The following SYNGR1 variants were observed in gnomAD, a reference collection of about 807,000 sequenced individuals.
SYNGR1 encodes synaptogyrin 1, also known as synaptogyrin-1.
SYNGR1 carries 14 observed loss-of-function variants against 26.1 expected under a neutral mutation model. The observed-to-expected ratio is 0.54, with a 90% CI of 0.35 to 0.84. SYNGR1 has a LOEUF of 0.84. Among genes scored for constraint, SYNGR1 ranks in the 40% least tolerant of loss-of-function variants. The probability of loss-of-function intolerance (pLI) is 0.01; values close to 1 mark genes in which losing one functional copy is unlikely to be tolerated. For synonymous variants in SYNGR1, 141 were observed against 150.1 expected, an observed-to-expected ratio of 0.94 and a Z score of 0.44; for missense variants, 319 against 332.9, an observed-to-expected ratio of 0.96 and a Z score of 0.33.
At chr22:39,362,765 G>T (rs368986133) in intron 1 of SYNGR1, among the ~76,000 whole-genome samples, 9 of 152,060 alleles carry the variant, frequency 5.9e-5, no homozygotes, top group Non-Finnish European at 1.2e-4. Flanking sequence ...GTGCACAGGG[G>T]TGTGCAAGCG....
intron 2 of SYNGR1, 120 bp from the exon 3 acceptor site, chr22:39,375,932 G>A: frequency 2.2e-6 from 3 of 1,343,484 alleles, no homozygotes; most frequent in Non-Finnish European, 3.2e-6. Flanking sequence ...TGGGGGTGGG[G>A]GAGCATGGGA....
chr22:39,350,035 G>A lies in SYNGR1; in HGVS notation c.25G>A (p.Gly9Ser). The change falls in exon 1 of 4, where the codon GGC becomes AGC. Residue 9 changes from glycine to serine, a missense_variant. Physicochemically the swap from Gly to Ser is moderately conservative, Grantham distance 56. Transcript: ENST00000328933. This position sits in a 1 kb window ranked among gnomAD's most constrained non-coding sequence, Gnocchi z 4.3. Reference sequence around the variant, plus strand: ...GATGGAAGGGGGTGCGTACGGAGCGGGCAAAGCCGGGGGCGCCTTCGACCC... The same window carrying A: ...GATGGAAGGGGGTGCGTACGGAGCGAGCAAAGCCGGGGGCGCCTTCGACCC... MEGGAYGAGKAGGAFDPYT... is the reference protein window; with the variant it reads MEGGAYGASKAGGAFDPYT... 1 of 1,403,866 alleles carries A rather than the reference G, an allele frequency of 7.1e-7. No individual in the cohort carries two copies. Among genetic ancestry groups the A allele is most frequent in the Non-Finnish European group, 9.4e-7 (1 of 1,060,792 alleles). The allele number at this position is 1,403,866 out of a possible 1,614,324, so 87.0% of individuals were successfully genotyped here. A position where few individuals can be genotyped will look rare whatever the true frequency, so the allele number is the denominator to read the frequency against.
In SYNGR1 at chr22:39,381,759, C is replaced by T; in HGVS notation, c.547C>T (p.Gln183Ter). 1 of 1,613,526 alleles carries T rather than the reference C, an allele frequency of 6.2e-7. No individual in the cohort carries two copies. Among genetic ancestry groups the T allele is most frequent in the Non-Finnish European group, 8.5e-7 (1 of 1,180,008 alleles). Reference sequence around the variant, plus strand: ...TGGCGCCGACTCGGCCCTCTTCTCCCAGGACTACATGGACCCCAGCCAGGA... The same window carrying T: ...TGGCGCCGACTCGGCCCTCTTCTCCTAGGACTACATGGACCCCAGCCAGGA... ...QIGADSALFS[Q>*]DYMDPSQDSS... is the part of the protein sequence containing the mutation. Residue 183 changes from glutamine to a stop codon, truncating the protein, a stop_gained, in exon 4 of 4, where the codon CAG (glutamine) becomes TAG (stop). Transcript: ENST00000328933. LOFTEE classifies it high-confidence loss of function.
intron 1 of SYNGR1, among the ~76,000 whole-genome samples, chr22:39,355,506 C>A (rs1170938009): frequency 2.0e-5 from 3 of 152,202 alleles, no homozygotes; most frequent in African/African-American, 7.2e-5. Context: ...GCAAGGAGAC[C>A]GCTGGGAGGT....
chr22:39,385,136 C>A lies in SYNGR1; in HGVS notation c.*3222C>A, dbSNP rs1175440931. On this transcript the variant is annotated 3_prime_UTR_variant, in exon 4 of 4. Coordinates refer to ENST00000328933, the MANE Select transcript of SYNGR1 (RefSeq NM_004711.5). ...GAGACCCCTAACCTTGGCCCAAGAC[C>A]CCTTTGATTCTCTAAGGAGCACGAA... is the stretch of plus-strand genomic sequence containing the variant. The A allele has an allele frequency of 9.1e-5, 36 of 397,310 alleles. No homozygotes were observed. The East Asian group carries it at 1.3e-3, about 14-fold the overall frequency. 24.6% of individuals were successfully genotyped at this position (397,310 alleles called of 1,614,324 possible).
chr22:39,364,427 A>G (rs1380784932), intron 1 of SYNGR1: 4 of 1,469,960 alleles, frequency 2.7e-6, no homozygotes, highest in Non-Finnish European at 2.8e-6. Flanking sequence ...GGGGATTAAA[A>G]TAGATGATTT....
At position 39,381,630 on chromosome 22, in the gene SYNGR1, CTT is replaced by C. The variant is rs1925500029; in HGVS notation, c.484-65_484-64del. The C allele has an allele frequency of 1.9e-6, 3 of 1,558,094 alleles. No homozygotes were observed. The South Asian group carries it at 3.4e-5, about 17-fold the overall frequency. On this transcript the variant is annotated intron_variant, in intron 3 of 3. Transcript: ENST00000328933. ...AACTAACCACCACTAACCCAGTGCTCTTGTCTGTCTCTCCCCTAACCACCCCC... is the reference window on the plus strand; with the variant it reads ...AACTAACCACCACTAACCCAGTGCTCGTCTGTCTCTCCCCTAACCACCCCC...
chr22:39,377,098 G>C, intron 3 of SYNGR1: 3 of 1,544,956 alleles, frequency 1.9e-6, no homozygotes, highest in Middle Eastern at 3.4e-4. Flanking sequence ...GGACCGGCGA[G>C]CACTTCTGGG....
At chr22:39,357,331 C>A (rs944359532) in intron 1 of SYNGR1, among the ~76,000 whole-genome samples, 2 of 152,042 alleles carry the variant, frequency 1.3e-5, no homozygotes, top group Admixed American at 1.3e-4. Flanking sequence ...GCAGAGGGGG[C>A]ACTGGGCCCC....
intron 1 of SYNGR1, among the ~76,000 whole-genome samples, chr22:39,357,573 G>A (rs868689772): frequency 1.8e-4 from 27 of 151,898 alleles, no homozygotes; most frequent in African/African-American, 6.0e-4. Flanking sequence ...TGCGTGCGGC[G>A]CTTGCGGGCC....
At position 39,384,806 on chromosome 22, in the gene SYNGR1, C is replaced by A; in HGVS notation, c.*2892C>A. 1 of 398,832 alleles carries A rather than the reference C, an allele frequency of 2.5e-6. No individual in the cohort carries two copies. The highest frequency in any genetic ancestry group is 4.4e-6 in the Non-Finnish European group (1 of 226,044). The allele number at this position is 398,832 out of a possible 1,614,324, so 24.7% of individuals were successfully genotyped here. On this transcript the variant is annotated 3_prime_UTR_variant, in exon 4 of 4. Coordinates refer to ENST00000328933, the MANE Select transcript of SYNGR1 (RefSeq NM_004711.5). The stretch of plus-strand genomic sequence containing the variant: ...AAAAGGTTTCACATAAGTGTAGAGT[C>A]GCAAGGACGCTTAGAGTCGGCAGAG...
At chr22:39,373,895 C>T (rs552341326) in intron 1 of SYNGR1, among the ~76,000 whole-genome samples, 54 of 152,300 alleles carry the variant, frequency 3.5e-4, no homozygotes, top group South Asian at 4.1e-4. Context: ...AGATGGGGCC[C>T]GGCACATGCC....
intron 2 of SYNGR1, chr22:39,375,337 G>T (rs1925230472): frequency 6.5e-6 from 1 of 154,760 alleles, no homozygotes; most frequent in Non-Finnish European, 1.4e-5. Flanking sequence ...AGGTGGGCTG[G>T]GCCCCAGGTG....
rs1481709707 is a variant in SYNGR1 at position 39,382,250 on chromosome 22, C to T, written c.*336C>T. The T allele has an allele frequency of 6.8e-6, 3 of 441,636 alleles. No homozygotes were observed. The highest frequency in any genetic ancestry group is 2.4e-5 in the South Asian group (1 of 41,698). 27.4% of individuals were successfully genotyped at this position (441,636 alleles called of 1,614,324 possible). A position where few individuals can be genotyped will look rare whatever the true frequency, so the allele number is the denominator to read the frequency against. On this transcript the variant is annotated 3_prime_UTR_variant, in exon 4 of 4. Transcript: ENST00000328933. ...GTGGTGACATTGGCAGAAATGGCCA[C>T]TGGAAAGGGGAGCGATGAGCTGTGG...
At chr22:39,376,911 A>G (rs1254375438) in intron 3 of SYNGR1, 12 of 1,523,116 alleles carry the variant, frequency 7.9e-6, no homozygotes, top group Admixed American at 4.5e-5. Flanking sequence ...CAAACAAAGT[A>G]TGTCTCTGGG....
At chr22:39,364,747 G>A (rs1251484358) in intron 1 of SYNGR1, among the ~76,000 whole-genome samples, 2 of 152,130 alleles carry the variant, frequency 1.3e-5, no homozygotes, top group African/African-American at 2.4e-5. Context: ...GGGTGGGGAG[G>A]GGGACAGATG....
rs551198281 is a variant in SYNGR1, at chr22:39,382,983, C to T, written c.*1069C>T. The stretch of plus-strand genomic sequence containing the variant: ...GGCACAGATGAGGGTGTGACTGGCC[C>T]GAGGTCACGGTGAGTGAGTGGCAAA... On this transcript the variant is annotated 3_prime_UTR_variant, in exon 4 of 4. Coordinates refer to ENST00000328933, the MANE Select transcript of SYNGR1 (RefSeq NM_004711.5). 2.6e-5 allele frequency: 4 copies of T among 152,408 alleles called. No homozygotes were observed. Among genetic ancestry groups the T allele is most frequent in the Admixed American group, 6.5e-5 (1 of 15,302 alleles). The allele number at this position is 152,408 out of a possible 1,614,324, so 9.4% of individuals were successfully genotyped here.
At chr22:39,361,767 GGTCTAGCCCTGAA>G (rs1466131775) in intron 1 of SYNGR1, among the ~76,000 whole-genome samples, 1 of 152,122 alleles carries the variant, frequency 6.6e-6, no homozygotes, top group Non-Finnish European at 1.5e-5. Flanking sequence ...ATGTAAATGA[GGTCTAGCCCTGAA>G]GGGCTCTGCA....
At chr22:39,376,934 T>A in intron 3 of SYNGR1, 1 of 1,546,258 alleles carries the variant, frequency 6.5e-7, no homozygotes, top group Non-Finnish European at 8.7e-7. Flanking sequence ...CAGCAGGCCC[T>A]GGGCTGGCAG....
Sources: allele counts gnomAD v4.1 joint callset (sites outside exome capture counted in the v4.1 genomes callset), GRCh38; gene constraint gnomAD v4.1.1; non-coding constraint Gnocchi (gnomAD v3.1); transcripts MANE v1.5; gene names NCBI Gene and HGNC (gene_info 2026-07-23, HGNC 2026-07-21).